The following PTPN3 variants were observed in gnomAD, a reference collection of about 807,000 sequenced individuals.
PTPN3 encodes tyrosine-protein phosphatase non-receptor type 3.
A neutral mutation model predicts 132.7 loss-of-function variants in PTPN3; 96 were observed. That is an observed-to-expected ratio of 0.72 (90% CI 0.61 to 0.86). The LOEUF is 0.86. Ranked by LOEUF, PTPN3 falls within the 40% of genes least tolerant of loss-of-function variation. PTPN3 has a pLI of 0.00. For synonymous variants in PTPN3, 398 were observed against 429.0 expected (o/e 0.93, Z 0.89); for missense variants, 1,125 against 1,159.6 (o/e 0.97, Z 0.43).
chr9:109,524,171 G>C, the PTPN3 span, among the ~76,000 whole-genome samples: 1 of 152,104 alleles, frequency 6.6e-6, no homozygotes, highest in Admixed American at 6.5e-5. Flanking sequence ...TTGAGCCCAG[G>C]AGGTCAAGGC....
the PTPN3 span, among the ~76,000 whole-genome samples, chr9:109,532,232 C>T: frequency 1.3e-5 from 2 of 152,174 alleles, no homozygotes; most frequent in Non-Finnish European, 2.9e-5. Context: ...GATACACTAA[C>T]TACAAGATGG....
At chr9:109,466,998 T>C (rs1564468856) in intron 1 of PTPN3, among the ~76,000 whole-genome samples, 1 of 151,982 alleles carries the variant, frequency 6.6e-6, no homozygotes, top group Non-Finnish European at 1.5e-5. Flanking sequence ...TAGATAAGGA[T>C]AGAGAGTCTG....
At chr9:109,431,330 C>G (rs932110687) in intron 10 of PTPN3, among the ~76,000 whole-genome samples, 1 of 152,248 alleles carries the variant, frequency 6.6e-6, no homozygotes, top group African/African-American at 2.4e-5. Flanking sequence ...TGTCTGTGGG[C>G]CCTTAGGAGG....
chr9:109,382,674 C>A (rs565192474), intron 23 of PTPN3, among the ~76,000 whole-genome samples: 1 of 151,734 alleles, frequency 6.6e-6, no homozygotes, highest in South Asian at 2.1e-4. Flanking sequence ...TCACTTCTGC[C>A]CAGTGATCTC....
chr9:109,440,797 G>A (rs2131951324), intron 7 of PTPN3, among the ~76,000 whole-genome samples: 1 of 152,324 alleles, frequency 6.6e-6, no homozygotes, highest in Non-Finnish European at 1.5e-5. Flanking sequence ...GCAAGTTGCT[G>A]ACAAATGTTC....
chr9:109,488,020 C>T (rs923728927), intron 1 of PTPN3, among the ~76,000 whole-genome samples: 1 of 151,708 alleles, frequency 6.6e-6, no homozygotes, highest in African/African-American at 2.4e-5. Context: ...GTGACATGCT[C>T]TGTCCTGTAA....
chr9:109,512,386 C>T, the PTPN3 span, among the ~76,000 whole-genome samples: 4 of 152,338 alleles, frequency 2.6e-5, no homozygotes, highest in East Asian at 7.7e-4. Context: ...AGCCATCTGG[C>T]AGCCAAACAC....
At chr9:109,468,688 G>T (rs1167433581) in intron 1 of PTPN3, among the ~76,000 whole-genome samples, 1 of 152,194 alleles carries the variant, frequency 6.6e-6, no homozygotes. Context: ...TTTAATCAAA[G>T]ATTATACTTG....
intron 5 of PTPN3, chr9:109,449,568 G>A (rs1461542891): frequency 1.3e-5 from 13 of 985,244 alleles, no homozygotes; most frequent in African/African-American, 7.0e-5. Context: ...CCTGGGGAGC[G>A]GGGAAAGGAG....
rs1554777578 is a variant in PTPN3 at position 109,391,872 on chromosome 9, G to GC, written c.1954-312_1954-311insG. On this transcript the variant is annotated intron_variant, in intron 19 of 25. Coordinates refer to ENST00000374541, the MANE Select transcript of PTPN3 (RefSeq NM_002829.4). ...CAAGAGCTAAAAGCAACTAGATGTG[G>GC]GGGGGGGGGGGAAGAATTCTGGCTC... 2.8e-4 allele frequency among the ~76,000 whole-genome samples: 25 copies of GC among 89,542 alleles called. 1 individual carries two copies. The highest frequency in any genetic ancestry group is 8.5e-4 in the Admixed American group (8 of 9,456). 58.7% of individuals were successfully genotyped at this position (89,542 alleles called of 152,430 possible).
chr9:109,492,261 G>A (rs571722928), intron 1 of PTPN3, among the ~76,000 whole-genome samples: 19 of 152,100 alleles, frequency 1.2e-4, no homozygotes, highest in Admixed American at 1.2e-3. Context: ...TGATGTGGCT[G>A]AGGGAGGTGA....
intron 1 of PTPN3, among the ~76,000 whole-genome samples, chr9:109,477,626 C>T (rs1184046330): frequency 3.9e-5 from 6 of 152,236 alleles, no homozygotes; most frequent in African/African-American, 1.4e-4. Flanking sequence ...AAGGCCCTTC[C>T]AGCCTCACAG....
chr9:109,408,523 A>G (rs773612293), intron 16 of PTPN3, 146 bp from the exon 17 acceptor site: 1 of 562,040 alleles, frequency 1.8e-6, no homozygotes, highest in Non-Finnish European at 3.1e-6. Context: ...AAACTTCACT[A>G]TGACTGATTC....
At chr9:109,502,747 A>T (rs914189155), upstream of PTPN3, among the ~76,000 whole-genome samples, 7 of 152,314 alleles carry the variant, frequency 4.6e-5, no homozygotes, top group African/African-American at 1.4e-4. Flanking sequence ...AGTGAGTCCT[A>T]GTTGTGCCAC....
intron 1 of PTPN3, among the ~76,000 whole-genome samples, chr9:109,490,189 A>C (rs1301751083): frequency 6.6e-6 from 1 of 151,942 alleles, no homozygotes; most frequent in African/African-American, 2.4e-5. Context: ...TCTCAAAAAA[A>C]ACAAAACAAA....
chr9:109,392,048 T>C (rs1234731636), intron 19 of PTPN3, among the ~76,000 whole-genome samples: 1 of 152,218 alleles, frequency 6.6e-6, no homozygotes, highest in Non-Finnish European at 1.5e-5. Flanking sequence ...CAATATATAG[T>C]ACATTTCATT....
intron 19 of PTPN3, among the ~76,000 whole-genome samples, chr9:109,393,919 G>A (rs1358679348): frequency 1.3e-5 from 2 of 152,150 alleles, no homozygotes; most frequent in African/African-American, 2.4e-5. Context: ...TCATAATAAT[G>A]GTGCTGTATC....
chr9:109,384,354 C>A (rs558897094), intron 22 of PTPN3, among the ~76,000 whole-genome samples: 1 of 152,186 alleles, frequency 6.6e-6, no homozygotes, highest in Non-Finnish European at 1.5e-5. Flanking sequence ...TTAGGTGACG[C>A]CCTAAAGAGG....
rs1293697190 is a variant in PTPN3 at position 109,408,790 on chromosome 9, A to ATATATATATATAT, written c.1579-414_1579-413insATATATATATATA. 1.8e-3 allele frequency among the ~76,000 whole-genome samples: 104 copies of ATATATATATATAT among 59,188 alleles called. 1 individual carries two copies. The highest frequency in any genetic ancestry group is 2.9e-3 in the East Asian group (8 of 2,776). 38.8% of individuals were successfully genotyped at this position (59,188 alleles called of 152,430 possible). A position where few individuals can be genotyped will look rare whatever the true frequency, so the allele number is the denominator to read the frequency against. ...TAGAACTTATAATAATTAAAAAAAA[A>ATATATATATATAT]AAAAAAATATATATATATATATATA... On this transcript the variant is annotated intron_variant, in intron 16 of 25. Coordinates refer to ENST00000374541, the MANE Select transcript of PTPN3 (RefSeq NM_002829.4).
Sources: gnomAD v4.1 joint callset for allele counts (sites outside exome capture counted in the v4.1 genomes callset) on GRCh38, gnomAD v4.1.1 for gene constraint, MANE v1.5 for transcripts, NCBI Gene and HGNC (gene_info 2026-07-23, HGNC 2026-07-21) for gene names.